Variants in CCDC3 observed in about 807,000 individuals in gnomAD.
CCDC3 encodes the protein coiled-coil domain-containing protein 3.
In CCDC3, 24 loss-of-function variants were observed where a neutral mutation model predicts 21.4. The ratio of observed to expected loss-of-function variants is 1.12; its 90% confidence interval spans 0.81 to 1.58. The LOEUF (loss-of-function observed/expected upper bound fraction) is 1.58, where lower values mean the gene tolerates loss of function less well. Among genes scored for constraint, CCDC3 ranks in the 40% most tolerant of loss-of-function variants. The pLI, the probability that CCDC3 is intolerant of heterozygous loss-of-function variation, is 0.00. For synonymous variants in CCDC3, 186 were observed against 166.0 expected (o/e 1.12, Z -0.93); for missense variants, 425 against 360.9 (o/e 1.18, Z -1.44).
chr10:13,047,088 G>C (rs1298405194), intron 5 of CCDC3, among the ~76,000 whole-genome samples: 3 of 151,490 alleles, frequency 2.0e-5, no homozygotes, highest in African/African-American at 7.4e-5. Context: ...TACGAAAGAG[G>C]AGACAGAACA....
chr10:13,094,700 C>CA (rs1832611714), intron 3 of CCDC3, among the ~76,000 whole-genome samples: 1 of 151,538 alleles, frequency 6.6e-6, no homozygotes, highest in Non-Finnish European at 1.5e-5. Flanking sequence ...CCTATGTCTA[C>CA]AAAAAATACA....
intron 2 of CCDC3, among the ~76,000 whole-genome samples, chr10:12,988,592 C>G (rs761052505): frequency 6.6e-6 from 1 of 152,154 alleles, no homozygotes; most frequent in Non-Finnish European, 1.5e-5. Flanking sequence ...GATCTGCCCA[C>G]CTCAGCCTCC....
intron 3 of CCDC3, among the ~76,000 whole-genome samples, chr10:13,094,437 A>C (rs1168943257): frequency 6.6e-6 from 1 of 151,932 alleles, no homozygotes; most frequent in African/African-American, 2.4e-5. Flanking sequence ...TTGTTTTTTT[A>C]GTAGAGATGG....
chr10:13,070,045 A>G (rs1836864332), intron 4 of CCDC3, among the ~76,000 whole-genome samples: 1 of 152,342 alleles, frequency 6.6e-6, no homozygotes, highest in East Asian at 1.9e-4. Context: ...TGAAATGTTT[A>G]TGAATATCAA....
intron 2 of CCDC3, among the ~76,000 whole-genome samples, chr10:12,942,428 A>T (rs773081628): frequency 2.0e-5 from 3 of 152,336 alleles, no homozygotes; most frequent in Non-Finnish European, 4.4e-5. Flanking sequence ...TTCTTTTCTA[A>T]GAAAGAACAG....
intron 2 of CCDC3, among the ~76,000 whole-genome samples, chr10:12,964,547 A>G (rs1835230438): frequency 6.6e-6 from 1 of 152,190 alleles, no homozygotes; most frequent in Admixed American, 6.5e-5. Flanking sequence ...ACGAAGAGAG[A>G]ATGCCGAGCC....
chr10:13,030,924 T>G (rs1164893410), intron 5 of CCDC3, among the ~76,000 whole-genome samples: 5 of 152,178 alleles, frequency 3.3e-5, no homozygotes, highest in African/African-American at 4.8e-5. Context: ...CTGTCAACAT[T>G]AGACAGATCA....
At chr10:12,994,553 T>C (rs1032569361) in intron 2 of CCDC3, among the ~76,000 whole-genome samples, 3 of 152,144 alleles carry the variant, frequency 2.0e-5, no homozygotes, top group African/African-American at 7.2e-5. Context: ...CCTTCATAAC[T>C]GCTCTTAGAA....
intron 2 of CCDC3, among the ~76,000 whole-genome samples, chr10:12,972,033 C>T (rs1269835143): frequency 1.3e-5 from 2 of 152,126 alleles, no homozygotes; most frequent in African/African-American, 4.8e-5. Flanking sequence ...TCTCCTAATG[C>T]TGCCTTATGG....
chr10:12,971,420 T>C (rs1835341666), intron 2 of CCDC3, among the ~76,000 whole-genome samples: 1 of 152,232 alleles, frequency 6.6e-6, no homozygotes, highest in African/African-American at 2.4e-5. Context: ...AGCTTCTCAC[T>C]GTAGCCCACC....
At chr10:13,007,463 C>T (rs1835938518) in intron 5 of CCDC3, among the ~76,000 whole-genome samples, 1 of 152,172 alleles carries the variant, frequency 6.6e-6, no homozygotes, top group South Asian at 2.1e-4. Flanking sequence ...TTATATTCTG[C>T]CCACTTTGGT....
At chr10:13,043,826 G>A (rs1411438017) in intron 5 of CCDC3, among the ~76,000 whole-genome samples, 1 of 152,062 alleles carries the variant, frequency 6.6e-6, no homozygotes, top group Non-Finnish European at 1.5e-5. Flanking sequence ...TATGATTGCA[G>A]GTAACTTTTT....
intron 2 of CCDC3, among the ~76,000 whole-genome samples, chr10:12,945,040 A>C (rs1219648641): frequency 1.3e-5 from 2 of 152,210 alleles, no homozygotes; most frequent in African/African-American, 2.4e-5. Context: ...CCTCCCCTAT[A>C]GCTTTTTATT....
At chr10:12,936,157 G>GC (rs1195584442) in intron 2 of CCDC3, among the ~76,000 whole-genome samples, 6 of 152,022 alleles carry the variant, frequency 3.9e-5, no homozygotes, top group African/African-American at 1.4e-4. Context: ...GCAGGTTTAC[G>GC]GTCCGACGGT....
Position 13,055,118 on chromosome 10 carries a change from G to A in CCDC3, c.-269-5177C>T, listed in dbSNP as rs117249324. ...ATCATGAAGACTTACTTAATGCCAA[G>A]CAGGTGGTGCTGGCCTTTGGCCTCT... On this transcript the variant is annotated intron_variant, in intron 4 of 6. Coordinates refer to the CCDC3 transcript ENST00000378839. 4.5e-3 allele frequency among the ~76,000 whole-genome samples: 687 copies of A among 152,326 alleles called. 30 individuals carry two copies. In the South Asian group the frequency reaches 0.085, roughly 19 times the overall value.
chr10:12,939,062 A>T (rs1834781369), intron 2 of CCDC3, among the ~76,000 whole-genome samples: 1 of 151,504 alleles, frequency 6.6e-6, no homozygotes, highest in Non-Finnish European at 1.5e-5. Flanking sequence ...CTCCAGCCTC[A>T]ATTCTGCCCA....
intron 5 of CCDC3, among the ~76,000 whole-genome samples, chr10:13,041,467 C>T (rs74470713): frequency 0.03 from 4,295 of 143,754 alleles, 137 homozygotes; most frequent in Admixed American, 0.11. Context: ...ATTTCCCCCT[C>T]GCTGTGTGTA....
chr10:12,976,909 C>A (rs897351351), intron 2 of CCDC3, among the ~76,000 whole-genome samples: 38 of 152,294 alleles, frequency 2.5e-4, no homozygotes, highest in Non-Finnish European at 5.0e-4. Flanking sequence ...CAAACAATAG[C>A]ACTAGATTAT....
chr10:13,077,287 G>C (rs1439352048), intron 3 of CCDC3, among the ~76,000 whole-genome samples: 1 of 152,050 alleles, frequency 6.6e-6, no homozygotes, highest in Non-Finnish European at 1.5e-5. Flanking sequence ...AAATACCTAG[G>C]AATCCAACTT....
Sources: allele counts gnomAD v4.1 joint callset (sites outside exome capture counted in the v4.1 genomes callset), GRCh38; gene constraint gnomAD v4.1.1; transcripts MANE v1.5; gene names NCBI Gene and HGNC (gene_info 2026-07-23, HGNC 2026-07-21).